The following SEC16A variants were observed in gnomAD, a reference collection of about 807,000 sequenced individuals.
SEC16A encodes SEC16 homolog A, endoplasmic reticulum export factor.
A neutral mutation model predicts 221.9 loss-of-function variants in SEC16A; 110 were observed. The ratio of observed to expected loss-of-function variants is 0.50; its 90% confidence interval spans 0.42 to 0.58. The LOEUF (loss-of-function observed/expected upper bound fraction) is 0.58, where lower values mean the gene tolerates loss of function less well. SEC16A is among the 20% of genes least tolerant of loss of function. The pLI, the probability that SEC16A is intolerant of heterozygous loss-of-function variation, is 0.00. For synonymous variants in SEC16A, 1,393 were observed against 1,257.7 expected, an observed-to-expected ratio of 1.11 and a Z score of -2.28; for missense variants, 3,165 against 3,097.8, an observed-to-expected ratio of 1.02 and a Z score of -0.52.
chr9:136,452,601 C>G (rs1374401578), intron 22 of SEC16A, among the ~76,000 whole-genome samples: 2 of 147,434 alleles, frequency 1.4e-5, no homozygotes, highest in African/African-American at 5.0e-5. Context: ...CCTGTCTCTA[C>G]CAAAAAATAC....
At position 136,457,494 on chromosome 9, in the gene SEC16A, G is replaced by A. The variant is rs1303980801; in HGVS notation, c.5500C>T (p.Leu1834=). ...GGGGAATACAGGTGCGGCTGCGTCA[G>A]GATGCTCTTCGCGATGGCCTCACAG... ...HYCEAIAKSI[L]TQPHLYSPVL... Residue 1834 remains leucine, a synonymous_variant, in exon 18 of 32, where the codon CTG becomes TTG. Transcript: ENST00000684901. The A allele has an allele frequency of 2.5e-6, 4 of 1,609,200 alleles. No homozygotes were observed. Among genetic ancestry groups the A allele is most frequent in the Non-Finnish European group, 3.4e-6 (4 of 1,177,822 alleles).
chr9:136,446,842 C>T lies in SEC16A; in HGVS notation c.6792+13G>A, dbSNP rs76035236. On this transcript the variant is annotated intron_variant, in intron 28 of 31. Transcript: ENST00000684901. ...ACTGGGTACCTTTCCCCTTTCCCAC[C>T]GTACCCGCTCACCTTGGGCTCTGGG... 35,468 of 1,587,854 alleles carry T rather than the reference C, an allele frequency of 0.022. 575 individuals carry two copies. The highest frequency in any genetic ancestry group is 0.071 in the Middle Eastern group (419 of 5,906).
At chr9:136,465,034 G>A (rs1588958149) in intron 8 of SEC16A, among the ~76,000 whole-genome samples, 1 of 152,204 alleles carries the variant, frequency 6.6e-6, no homozygotes. Flanking sequence ...TCCAAGGCAG[G>A]AGGGCCACCT....
chr9:136,459,997 C>T lies in SEC16A; in HGVS notation c.5073+45G>A. 6.4e-7 allele frequency: 1 copy of T among 1,565,308 alleles called. No individual in the cohort carries two copies. Among genetic ancestry groups the T allele is most frequent in the South Asian group, 1.2e-5 (1 of 86,628 alleles). The stretch of plus-strand genomic sequence containing the variant: ...CAGCGTCACCCACGAGCAAACTCCA[C>T]ACAGGCAGTGGAGCCTGTGCAAGCC... On this transcript the variant is annotated intron_variant, in intron 14 of 31. Transcript: ENST00000684901. This position sits in a 1 kb window ranked among gnomAD's most constrained non-coding sequence, Gnocchi z 6.1.
chr9:136,454,154 G>A lies in SEC16A; in HGVS notation c.6031C>T (p.Gln2011Ter), dbSNP rs1403854194. ...PGLPPGVPPL[Q>*]ERRHLLQEAR... ...TCCTGGAGCAAGTGTCTCCTTTCCT[G>A]CAGAGGTGGCACACCAGGTGGGAGG... The change falls in exon 21 of 32, where the codon CAG (glutamine) becomes TAG (stop). Residue 2011 changes from glutamine to a stop codon, truncating the protein, a stop_gained. Coordinates refer to ENST00000684901, the MANE Select transcript of SEC16A (RefSeq NM_014866.2). LOFTEE classifies it high-confidence loss of function. The A allele has an allele frequency of 6.4e-7, 1 of 1,555,266 alleles. No individual in the cohort carries two copies. Among genetic ancestry groups the A allele is most frequent in the Non-Finnish European group, 8.7e-7 (1 of 1,149,142 alleles).
At chr9:136,468,872 A>T (rs1393699823) in intron 4 of SEC16A, among the ~76,000 whole-genome samples, 1 of 151,830 alleles carries the variant, frequency 6.6e-6, no homozygotes, top group Non-Finnish European at 1.5e-5. Context: ...TTTTCTTGAG[A>T]CAGGTTTCAC....
intron 22 of SEC16A, among the ~76,000 whole-genome samples, chr9:136,452,769 GAAA>G (rs35228326): frequency 0.035 from 2,694 of 77,912 alleles, 47 homozygotes; most frequent in Middle Eastern, 0.11. Flanking sequence ...ATGTCTTAGG[GAAA>G]AAAAAAAAAA....
In SEC16A at chr9:136,466,874, T is replaced by G. The variant is rs1333734396; in HGVS notation, c.3929+83A>C. 1 of 1,484,930 alleles carries G rather than the reference T, an allele frequency of 6.7e-7. No homozygotes were observed. Among genetic ancestry groups the G allele is most frequent in the Non-Finnish European group, 9.0e-7 (1 of 1,110,856 alleles). The allele number at this position is 1,484,930 out of a possible 1,614,324, so 92.0% of individuals were successfully genotyped here. On this transcript the variant is annotated intron_variant, in intron 6 of 31. Transcript: ENST00000684901. The surrounding 1 kb of genome is among the most constrained non-coding windows in gnomAD (Gnocchi z 5.5). ...CACCCAAACTACCACAGCTCTTTGT[T>G]AAAACCCAGACATGAGGGCAGAGAA...
In SEC16A at chr9:136,477,328, G is replaced by A; in HGVS notation, c.288C>T (p.His96=). 1.2e-6 allele frequency: 2 copies of A among 1,613,982 alleles called. No individual in the cohort carries two copies. The highest frequency in any genetic ancestry group is 1.7e-6 in the Non-Finnish European group (2 of 1,179,890). Residue 96 remains histidine (H), a synonymous_variant, in exon 3 of 32, where the codon CAC becomes CAT. Transcript: ENST00000684901. ...FSQHPGLLVP[H]THARDSSQGP... ...CCTGAGAGCTATCTCTGGCATGTGT[G>A]TGAGGAACAAGCAAACCGGGGTGCT...
chr9:136,460,824 G>C (rs562139712), intron 13 of SEC16A, among the ~76,000 whole-genome samples: 138 of 151,842 alleles, frequency 9.1e-4, no homozygotes, highest in Admixed American at 1.6e-3. Context: ...AAGGCGTGAG[G>C]ATCACTTGAA....
At position 136,475,350 on chromosome 9, in the gene SEC16A, G is replaced by A; in HGVS notation, c.2266C>T (p.Pro756Ser). Residue 756 changes from proline (P) to serine (S), a missense_variant, in exon 3 of 32, where the codon CCT (proline) becomes TCT (serine). Around this residue, in one of 3 missense-constraint regions of SEC16A, gnomAD observed 2,030 missense variants for 1,923.1 expected, o/e 1.06. Coordinates refer to ENST00000684901, the MANE Select transcript of SEC16A (RefSeq NM_014866.2). The surrounding 1 kb of genome is among the most constrained non-coding windows in gnomAD (Gnocchi z 5.0). ...GCCTCTTCTGGAGGCTGAACAACAGGTGGCTGAGGTTTTGCACACACATAA... is the reference window on the plus strand; with the variant it reads ...GCCTCTTCTGGAGGCTGAACAACAGATGGCTGAGGTTTTGCACACACATAA... Reference protein sequence around the residue: ...ALYVCAKPQPPVVQPPEEAMS... With the variant: ...ALYVCAKPQPSVVQPPEEAMS... 1.2e-6 allele frequency: 2 copies of A among 1,609,884 alleles called. No homozygotes were observed. Among genetic ancestry groups the A allele is most frequent in the Non-Finnish European group, 1.7e-6 (2 of 1,177,082 alleles).
chr9:136,441,503 C>T lies in SEC16A; in HGVS notation c.*252G>A, dbSNP rs1836181492. Reference sequence around the variant, plus strand: ...TCATCCTAAATGACTAAGAAAGTCACATCATTCTTTTCGGCAAACAATTCT... The same window carrying T: ...TCATCCTAAATGACTAAGAAAGTCATATCATTCTTTTCGGCAAACAATTCT... On this transcript the variant is annotated 3_prime_UTR_variant, in exon 32 of 32. Coordinates refer to ENST00000684901, the MANE Select transcript of SEC16A (RefSeq NM_014866.2). The T allele has an allele frequency of 5.4e-6, 3 of 552,844 alleles. No individual in the cohort carries two copies. The highest frequency in any genetic ancestry group is 3.1e-5 in the Admixed American group (1 of 32,558). 34.2% of individuals were successfully genotyped at this position (552,844 alleles called of 1,614,324 possible).
chr9:136,442,863 G>A (rs191341831), intron 31 of SEC16A, among the ~76,000 whole-genome samples: 1 of 152,356 alleles, frequency 6.6e-6, no homozygotes, highest in African/African-American at 2.4e-5. Flanking sequence ...GACGTGAAAG[G>A]CATCTCCCAA....
intron 18 of SEC16A, among the ~76,000 whole-genome samples, chr9:136,456,428 G>A (rs1345421572): frequency 3.3e-5 from 5 of 152,218 alleles, no homozygotes; most frequent in African/African-American, 1.2e-4. Flanking sequence ...CCTGGCCCGA[G>A]ACTACCACCT....
In SEC16A at chr9:136,466,439, C is replaced by A. The variant is rs1343790683; in HGVS notation, c.3953G>T (p.Trp1318Leu). The A allele has an allele frequency of 6.2e-7, 1 of 1,606,776 alleles. No homozygotes were observed. The highest frequency in any genetic ancestry group is 8.5e-7 in the Non-Finnish European group (1 of 1,176,724). Residue 1318 changes from tryptophan (W) to leucine (L), a missense_variant, in exon 7 of 32, where the codon TGG (tryptophan) becomes TTG (leucine). By Grantham distance (61) the Trp-to-Leu change is moderately conservative. This residue lies in a region of SEC16A where 2,030 missense variants were observed against 1,923.1 expected (regional missense o/e 1.06). Transcript: ENST00000684901. This position sits in a 1 kb window ranked among gnomAD's most constrained non-coding sequence, Gnocchi z 5.5. Reference protein sequence around the residue: ...GDRPEKRDNNWRYDPRFTGSF... With the variant: ...GDRPEKRDNNLRYDPRFTGSF... ...CCCCGTGAAGCGAGGATCGTACCTC[C>A]AGTTGTTGTCACGTTTCTCGGGCCT...
At chr9:136,457,641 T>C (rs1838872914) in intron 17 of SEC16A, 57 bp from the exon 18 acceptor site, 7 of 1,562,888 alleles carry the variant, frequency 4.5e-6, no homozygotes, top group Non-Finnish European at 6.1e-6. Flanking sequence ...GCATCGCCGA[T>C]GGACAAAGCC....
chr9:136,443,784 C>A (rs193023231), intron 31 of SEC16A, 39 bp downstream of exon 31: 1 of 1,515,382 alleles, frequency 6.6e-7, no homozygotes, highest in Admixed American at 1.7e-5. Flanking sequence ...CGTCAGTGGG[C>A]GTGTTAGGGT....
intron 18 of SEC16A, 38 bp downstream of exon 18, chr9:136,457,406 C>T (rs560413811): frequency 6.4e-7 from 1 of 1,566,698 alleles, no homozygotes; most frequent in Non-Finnish European, 8.7e-7. Context: ...TCCCTGCAGT[C>T]AGCACAGCAT....
upstream of SEC16A, chr9:136,483,100 G>T: frequency 1.2e-6 from 1 of 855,630 alleles, no homozygotes; most frequent in Non-Finnish European, 1.4e-6. Context: ...ATCAGCGCGC[G>T]CCCCGCCCCT....
Sources: allele counts gnomAD v4.1 joint callset (sites outside exome capture counted in the v4.1 genomes callset), GRCh38; gene constraint gnomAD v4.1.1; regional missense constraint gnomAD v4.1.1; non-coding constraint Gnocchi (gnomAD v3.1); transcripts MANE v1.5; gene names NCBI Gene and HGNC (gene_info 2026-07-23, HGNC 2026-07-21).